Variants in PIP5K1C observed in about 807,000 individuals in gnomAD.
PIP5K1C encodes phosphatidylinositol 4-phosphate 5-kinase type-1 gamma.
A neutral mutation model predicts 80.1 loss-of-function variants in PIP5K1C; 45 were observed. The observed-to-expected ratio is 0.56, with a 90% confidence interval of 0.44 to 0.72. The LOEUF (loss-of-function observed/expected upper bound fraction) is 0.72, where lower values mean the gene tolerates loss of function less well. Among genes scored for constraint, PIP5K1C ranks in the 30% least tolerant of loss-of-function variants. The pLI is 0.00. For missense variants in PIP5K1C, 753 were observed against 954.6 expected (o/e 0.79, Z 2.78); for synonymous variants, 498 against 420.1 (o/e 1.19, Z -2.27).
At chr19:3,649,981 G>A in intron 8 of PIP5K1C, 1 of 201,326 alleles carries the variant, frequency 5.0e-6, no homozygotes, top group Non-Finnish European at 1.0e-5. Context: ...TCACGCCACA[G>A]GCTGGTACGC....
rs1279444837 is a variant in PIP5K1C, at chr19:3,696,057, A to G, written c.94+4240T>C. ...CCCTGACCTTTTTACACAGACCACC[A>G]CAGCTACAGGGAGGCCCTGGTGGCG... On this transcript the variant is annotated intron_variant, in intron 1 of 17. Coordinates refer to ENST00000335312, the MANE Select transcript of PIP5K1C (RefSeq NM_012398.3). The surrounding 1 kb of genome is among the most constrained non-coding windows in gnomAD (Gnocchi z 4.1). Among the ~76,000 whole-genome samples the G allele has an allele frequency of 5.3e-5, 8 of 152,158 alleles. No individual in the cohort carries two copies. The East Asian group carries it at 1.6e-3, about 29-fold the overall frequency.
chr19:3,633,425 G>C lies in PIP5K1C; in HGVS notation c.2004+12C>G, dbSNP rs527482215. The C allele has an allele frequency of 3.1e-4, 459 of 1,478,128 alleles. 6 individuals are homozygous for C. The South Asian group carries it at 5.9e-3, about 19-fold the overall frequency. 91.6% of individuals were successfully genotyped at this position (1,478,128 alleles called of 1,614,324 possible). A position where few individuals can be genotyped will look rare whatever the true frequency, so the allele number is the denominator to read the frequency against. ...CCCACGGGACCGGCGGGTGCACCTG[G>C]GCTGCACTTACTGTGTCGCTCTCGC... On this transcript the variant is annotated intron_variant, in intron 17 of 17. Transcript: ENST00000335312.
intron 5 of PIP5K1C, among the ~76,000 whole-genome samples, chr19:3,657,862 G>C (rs2034690848): frequency 6.6e-6 from 1 of 152,096 alleles, no homozygotes; most frequent in South Asian, 2.1e-4. Flanking sequence ...TTGAGCCCAG[G>C]AGGTCAAGGC....
rs950291556 is a variant in PIP5K1C at position 3,676,512 on chromosome 19, C to T, written c.95-9159G>A. On this transcript the variant is annotated intron_variant, in intron 1 of 17. Transcript: ENST00000335312. ...AATAAAAGGCTGCACCATCACTCGG[C>T]CCCCCGCCTGGCACACTCGCCTCTG... 3.2e-4 allele frequency among the ~76,000 whole-genome samples: 48 copies of T among 152,298 alleles called. 1 individual carries two copies. The highest frequency in any genetic ancestry group is 1.1e-3 in the African/African-American group (47 of 41,538).
intron 16 of PIP5K1C, 84 bp downstream of exon 16, chr19:3,638,800 T>C: frequency 3.2e-6 from 5 of 1,555,994 alleles, no homozygotes; most frequent in South Asian, 1.1e-5. Context: ...TGCAGGTGTG[T>C]GTATGCGGTG....
Position 3,637,924 on chromosome 19 carries a change from T to A in PIP5K1C, c.1920+960A>T. The A allele has an allele frequency of 6.5e-7, 1 of 1,535,122 alleles. No homozygotes were observed. The highest frequency in any genetic ancestry group is 1.7e-4 in the Middle Eastern group (1 of 5,866). ...AGTCCCAGGAAAAGGGGTGACGACG[T>A]GCGGTGGGTAGGGGCACAGGCACGC... On this transcript the variant is annotated intron_variant, in intron 16 of 17. Coordinates refer to ENST00000335312, the MANE Select transcript of PIP5K1C (RefSeq NM_012398.3). This position sits in a 1 kb window ranked among gnomAD's most constrained non-coding sequence, Gnocchi z 7.0.
chr19:3,670,701 G>T (rs905219333), intron 1 of PIP5K1C, among the ~76,000 whole-genome samples: 1 of 152,368 alleles, frequency 6.6e-6, no homozygotes, highest in South Asian at 2.1e-4. Context: ...TCTCAAGGCA[G>T]CAAGAACAGC....
intron 1 of PIP5K1C, among the ~76,000 whole-genome samples, chr19:3,699,728 G>C (rs1280452809): frequency 1.3e-5 from 2 of 152,090 alleles, no homozygotes; most frequent in African/African-American, 4.8e-5. Context: ...CCAGCCCGCA[G>C]CCCCACCAGT....
intron 16 of PIP5K1C, among the ~76,000 whole-genome samples, chr19:3,634,397 G>C (rs190321695): frequency 6.6e-6 from 1 of 150,962 alleles, no homozygotes; most frequent in Non-Finnish European, 1.5e-5. Flanking sequence ...CCTCTCTCTC[G>C]GGCCTCTGTC....
intron 16 of PIP5K1C, among the ~76,000 whole-genome samples, chr19:3,634,165 C>T (rs770666542): frequency 2.0e-4 from 30 of 149,592 alleles, no homozygotes; most frequent in Non-Finnish European, 3.4e-4. Flanking sequence ...CAGGCAGGGC[C>T]GTGTGCAGGG....
intron 1 of PIP5K1C, among the ~76,000 whole-genome samples, chr19:3,694,988 G>A (rs2036057305): frequency 6.6e-6 from 1 of 152,270 alleles, no homozygotes; most frequent in South Asian, 2.1e-4. Context: ...TGCCGCTGCA[G>A]CGTGGGGGCC....
intron 1 of PIP5K1C, among the ~76,000 whole-genome samples, chr19:3,674,687 G>C (rs2035306445): frequency 6.6e-6 from 1 of 152,228 alleles, no homozygotes; most frequent in Admixed American, 6.5e-5. Context: ...ATTTTTAGTA[G>C]AGATGGGGTT....
At chr19:3,643,955 G>T in intron 12 of PIP5K1C, 132 bp downstream of exon 12, 2 of 1,091,408 alleles carry the variant, frequency 1.8e-6, no homozygotes, top group Non-Finnish European at 2.6e-6. Flanking sequence ...CACTCCCTGG[G>T]CAGGCGGCCC....
rs1016129409 is a variant in PIP5K1C at position 3,688,973 on chromosome 19, G to A, written c.94+11324C>T. Among the ~76,000 whole-genome samples, 8 of 152,130 alleles carry A rather than the reference G, an allele frequency of 5.3e-5. No homozygotes were observed. Among genetic ancestry groups the A allele is most frequent in the Admixed American group, 2.0e-4 (3 of 15,280 alleles). On this transcript the variant is annotated intron_variant, in intron 1 of 17. Coordinates refer to ENST00000335312, the MANE Select transcript of PIP5K1C (RefSeq NM_012398.3). This position sits in a 1 kb window ranked among gnomAD's most constrained non-coding sequence, Gnocchi z 5.3. The stretch of plus-strand genomic sequence containing the variant: ...GGCTGGGGGGTGGGGGGGGCTTGGC[G>A]CACGCGGCCTATGGTCTGTGAGCTC...
intron 5 of PIP5K1C, among the ~76,000 whole-genome samples, chr19:3,658,854 G>A (rs921071924): frequency 3.3e-5 from 5 of 152,230 alleles, no homozygotes; most frequent in Admixed American, 6.5e-5. Context: ...CAGCTGCTAC[G>A]GGGAAGCAGG....
chr19:3,668,966 T>C (rs891302735), intron 1 of PIP5K1C, among the ~76,000 whole-genome samples: 1 of 151,988 alleles, frequency 6.6e-6, no homozygotes, highest in Non-Finnish European at 1.5e-5. Context: ...GGGGAGTGCC[T>C]CCCTGTTGGA....
intron 2 of PIP5K1C, among the ~76,000 whole-genome samples, chr19:3,665,309 G>GCC (rs1316594136): frequency 6.6e-6 from 1 of 152,170 alleles, no homozygotes; most frequent in Non-Finnish European, 1.5e-5. Flanking sequence ...AGCATTCCTG[G>GCC]CCTCCACCCA....
In PIP5K1C at chr19:3,655,884, C is replaced by T. The variant is rs144111571; in HGVS notation, c.621+521G>A. The stretch of plus-strand genomic sequence containing the variant: ...CGCCGGCTCCTACTCCTACTCCCCC[C>T]TCCCGGGGCCTGACGCACCCTTTCT... On this transcript the variant is annotated intron_variant, in intron 6 of 17. Transcript: ENST00000335312. Among the ~76,000 whole-genome samples, 530 of 152,334 alleles carry T rather than the reference C, an allele frequency of 3.5e-3. 4 individuals are homozygous for T. Among genetic ancestry groups the T allele is most frequent in the African/African-American group, 0.012 (507 of 41,578 alleles).
intron 1 of PIP5K1C, 126 bp from the exon 2 acceptor site, chr19:3,667,479 C>T (rs1176307257): frequency 3.0e-6 from 3 of 988,010 alleles, no homozygotes; most frequent in Non-Finnish European, 4.8e-6. Flanking sequence ...GGGCTGGTCT[C>T]AAGGCTACAC....
Sources: allele counts gnomAD v4.1 joint callset (sites outside exome capture counted in the v4.1 genomes callset), GRCh38; gene constraint gnomAD v4.1.1; non-coding constraint Gnocchi (gnomAD v3.1); transcripts MANE v1.5; gene names NCBI Gene and HGNC (gene_info 2026-07-23, HGNC 2026-07-21).